The following MYRIP variants were observed in gnomAD, a reference collection of about 807,000 sequenced individuals.
The protein encoded by MYRIP is rab effector MyRIP.
MYRIP carries 49 observed loss-of-function variants against 98.0 expected under a neutral mutation model. That is an observed-to-expected ratio of 0.50 (90% confidence interval 0.40 to 0.63). The LOEUF (loss-of-function observed/expected upper bound fraction) is 0.63, where lower values mean the gene tolerates loss of function less well. Ranked by LOEUF, MYRIP falls within the 30% of genes least tolerant of loss-of-function variation. MYRIP has a pLI of 0.00. For synonymous variants in MYRIP, 404 were observed against 409.5 expected, an observed-to-expected ratio of 0.99 and a Z score of 0.16; for missense variants, 1,004 against 1,058.2, an observed-to-expected ratio of 0.95 and a Z score of 0.71.
chr3:40,100,405 T>G (rs1205742699), intron 3 of MYRIP, among the ~76,000 whole-genome samples: 1 of 152,242 alleles, frequency 6.6e-6, no homozygotes, highest in Non-Finnish European at 1.5e-5. Context: ...TTGTACATTT[T>G]TTAGCATTTT....
intron 2 of MYRIP, among the ~76,000 whole-genome samples, chr3:39,989,324 A>G (rs769535598): frequency 6.6e-6 from 1 of 152,136 alleles, no homozygotes; most frequent in Non-Finnish European, 1.5e-5. Context: ...GGTTCGCTTC[A>G]GGCCCTATTC....
intron 9 of MYRIP, among the ~76,000 whole-genome samples, chr3:40,187,514 C>T (rs969577862): frequency 1.3e-5 from 2 of 152,218 alleles, no homozygotes; most frequent in Non-Finnish European, 2.9e-5. Context: ...CTCTGACAAC[C>T]CAGTGAGGTT....
chr3:40,250,698 T>C (rs554511845), intron 15 of MYRIP, among the ~76,000 whole-genome samples, 199 bp downstream of exon 15: 61 of 152,312 alleles, frequency 4.0e-4, no homozygotes, highest in Middle Eastern at 3.4e-3. Flanking sequence ...GTTTGGAAGG[T>C]GCACTGCTAG....
intron 1 of MYRIP, among the ~76,000 whole-genome samples, chr3:39,820,468 CCT>C (rs1453530509): frequency 6.6e-6 from 1 of 152,180 alleles, no homozygotes; most frequent in Admixed American, 6.5e-5. Flanking sequence ...CCCTTGAAAA[CCT>C]CTGTCTCCAG....
intron 8 of MYRIP, among the ~76,000 whole-genome samples, chr3:40,180,756 G>C (rs115400597): frequency 0.015 from 2,318 of 152,304 alleles, 26 homozygotes; most frequent in Non-Finnish European, 0.023. Flanking sequence ...TTCCATATTT[G>C]TTCTGTAAGC....
chr3:40,007,647 G>T (rs964903229), intron 2 of MYRIP, among the ~76,000 whole-genome samples: 2 of 152,200 alleles, frequency 1.3e-5, no homozygotes, highest in Non-Finnish European at 2.9e-5. Flanking sequence ...GGGTTCTCCA[G>T]AGAAACAAAA....
At chr3:39,813,898 AT>A (rs10706452) in intron 1 of MYRIP, among the ~76,000 whole-genome samples, 29,902 of 152,072 alleles carry the variant, frequency 0.2, 3,050 homozygotes, top group South Asian at 0.29. Context: ...TGTCTTATCT[AT>A]TTTTGTGATT....
rs1462634605 is a variant in MYRIP at position 39,886,538 on chromosome 3, C to G, written c.-30-14249C>G. On this transcript the variant is annotated intron_variant, in intron 1 of 16. Coordinates refer to ENST00000302541, the MANE Select transcript of MYRIP (RefSeq NM_015460.4). ...AACAAAAAAAGGCAGGGGTTGCAAT[C>G]CTAGTCTCTGATAAAACAGATTTTA... Among the ~76,000 whole-genome samples the G allele has an allele frequency of 9.2e-5, 14 of 151,660 alleles. No homozygotes were observed. In the East Asian group the frequency reaches 1.6e-3, roughly 17 times the overall value.
At chr3:39,937,257 A>G (rs1454075081) in intron 2 of MYRIP, among the ~76,000 whole-genome samples, 1 of 152,212 alleles carries the variant, frequency 6.6e-6, no homozygotes, top group Non-Finnish European at 1.5e-5. Flanking sequence ...CATGTGCCTC[A>G]CACAAGGTCA....
At chr3:39,990,651 T>G (rs1946150840) in intron 2 of MYRIP, among the ~76,000 whole-genome samples, 1 of 152,226 alleles carries the variant, frequency 6.6e-6, no homozygotes, top group Non-Finnish European at 1.5e-5. Context: ...TATTGAAAGC[T>G]TTTCACAGTG....
chr3:40,157,971 AG>A, intron 4 of MYRIP, among the ~76,000 whole-genome samples: 1 of 152,176 alleles, frequency 6.6e-6, no homozygotes, highest in Middle Eastern at 3.4e-3. Flanking sequence ...TATTTTTTGA[AG>A]GGTTTTTTGT....
At chr3:39,974,731 A>T (rs907971374) in intron 2 of MYRIP, among the ~76,000 whole-genome samples, 3 of 152,208 alleles carry the variant, frequency 2.0e-5, no homozygotes, top group African/African-American at 4.8e-5. Context: ...CCTGGGATGC[A>T]AGGCTGGTTC....
chr3:40,089,994 T>C (rs1467967115), intron 3 of MYRIP, among the ~76,000 whole-genome samples: 1 of 151,740 alleles, frequency 6.6e-6, no homozygotes, highest in Non-Finnish European at 1.5e-5. Flanking sequence ...TCAATTCTTT[T>C]ATTTATGACC....
intron 2 of MYRIP, among the ~76,000 whole-genome samples, chr3:39,932,398 T>A (rs1944561386): frequency 1.3e-5 from 2 of 152,182 alleles, no homozygotes; most frequent in Non-Finnish European, 2.9e-5. Context: ...TCTCACTCTG[T>A]TGCCCAGGCT....
chr3:39,922,639 T>C (rs939603809), intron 2 of MYRIP, among the ~76,000 whole-genome samples: 1 of 152,206 alleles, frequency 6.6e-6, no homozygotes, highest in African/African-American at 2.4e-5. Context: ...AGGAGCTCCC[T>C]CCTCAGGTAT....
intron 3 of MYRIP, among the ~76,000 whole-genome samples, chr3:40,079,133 G>C (rs1165762356): frequency 2.6e-5 from 4 of 152,218 alleles, no homozygotes; most frequent in Non-Finnish European, 5.9e-5. Flanking sequence ...TGTCAGTAGA[G>C]ATGAAGGGAT....
rs1193663422 is a variant in MYRIP, at chr3:40,084,729, G to A, written c.332+40458G>A. Among the ~76,000 whole-genome samples the A allele has an allele frequency of 6.9e-5, 10 of 145,652 alleles. 1 individual carries two copies. Among genetic ancestry groups the A allele is most frequent in the African/African-American group, 7.6e-5 (3 of 39,472 alleles). Reference sequence around the variant, plus strand: ...GATAATATGTATCTATGTATTACATGTCGATAGATAATATGTATCTATGTG... The same window carrying A: ...GATAATATGTATCTATGTATTACATATCGATAGATAATATGTATCTATGTG... On this transcript the variant is annotated intron_variant, in intron 3 of 16. Coordinates refer to ENST00000302541, the MANE Select transcript of MYRIP (RefSeq NM_015460.4).
At chr3:40,220,364 C>T (rs1032064936) in intron 11 of MYRIP, among the ~76,000 whole-genome samples, 6 of 152,124 alleles carry the variant, frequency 3.9e-5, no homozygotes, top group Non-Finnish European at 4.4e-5. Context: ...TCAATTTTGT[C>T]TTTTGTTGCC....
chr3:39,850,277 C>A (rs1021058524), intron 1 of MYRIP, among the ~76,000 whole-genome samples: 1 of 152,224 alleles, frequency 6.6e-6, no homozygotes, highest in South Asian at 2.1e-4. Context: ...AGCCCACATA[C>A]CCTCAAGGCA....
Sources: gnomAD v4.1 joint callset for allele counts (sites outside exome capture counted in the v4.1 genomes callset) on GRCh38, gnomAD v4.1.1 for gene constraint, MANE v1.5 for transcripts, NCBI Gene and HGNC (gene_info 2026-07-23, HGNC 2026-07-21) for gene names.